NSMCE2: variants seen among roughly 807,000 people sequenced by gnomAD.
NSMCE2 encodes E3 SUMO-protein ligase NSE2.
In NSMCE2, 24 loss-of-function variants were observed where a neutral mutation model predicts 23.8. The observed-to-expected ratio is 1.01, with a 90% CI of 0.73 to 1.42. NSMCE2 has a LOEUF of 1.42. Among genes scored for constraint, NSMCE2 ranks in the 40% most tolerant of loss-of-function variants. The probability of loss-of-function intolerance (pLI) is 0.00; values close to 1 mark genes in which losing one functional copy is unlikely to be tolerated. For missense variants in NSMCE2, 284 were observed against 296.5 expected (o/e 0.96, Z 0.31); for synonymous variants, 92 against 94.1 (o/e 0.98, Z 0.13).
chr8:125,315,730 G>A (rs1438501373), intron 5 of NSMCE2, among the ~76,000 whole-genome samples: 1 of 152,104 alleles, frequency 6.6e-6, no homozygotes, highest in Admixed American at 6.5e-5. Context: ...TGACTTTTTA[G>A]CAATTATATT....
chr8:125,192,138 A>C (rs1823367227), intron 5 of NSMCE2, among the ~76,000 whole-genome samples: 1 of 152,196 alleles, frequency 6.6e-6, no homozygotes, highest in Non-Finnish European at 1.5e-5. Context: ...AAGTAGCCTG[A>C]ATCTAGATTA....
chr8:125,238,028 A>T (rs1406386333), intron 5 of NSMCE2, among the ~76,000 whole-genome samples: 1 of 152,134 alleles, frequency 6.6e-6, no homozygotes, highest in Admixed American at 6.5e-5. Flanking sequence ...TATATTGTAG[A>T]TGCTAGATCA....
chr8:125,177,745 C>G (rs1822568236), intron 4 of NSMCE2, among the ~76,000 whole-genome samples: 1 of 152,216 alleles, frequency 6.6e-6, no homozygotes, highest in Admixed American at 6.5e-5. Flanking sequence ...AAGCACTTCT[C>G]TAATGGAAAT....
At chr8:125,180,783 T>G (rs1322260111) in intron 4 of NSMCE2, among the ~76,000 whole-genome samples, 2 of 152,100 alleles carry the variant, frequency 1.3e-5, no homozygotes, top group African/African-American at 4.8e-5. Flanking sequence ...AATTGTACTA[T>G]ATACTAATAA....
chr8:125,228,591 G>A (rs1031845801), intron 5 of NSMCE2, among the ~76,000 whole-genome samples: 2 of 152,182 alleles, frequency 1.3e-5, no homozygotes, highest in Admixed American at 6.5e-5. Flanking sequence ...GCAGTACAGG[G>A]CATTTGAGGC....
At chr8:125,253,748 C>T (rs953880999) in intron 5 of NSMCE2, among the ~76,000 whole-genome samples, 1 of 152,204 alleles carries the variant, frequency 6.6e-6, no homozygotes, top group Non-Finnish European at 1.5e-5. Flanking sequence ...GTCGTATAGG[C>T]AGCCTGATTT....
intron 5 of NSMCE2, among the ~76,000 whole-genome samples, chr8:125,333,660 G>T (rs879551195): frequency 3.3e-5 from 5 of 150,014 alleles, no homozygotes; most frequent in African/African-American, 1.2e-4. Context: ...GACTACAGGC[G>T]CCCGCCACTA....
At chr8:125,278,776 C>T (rs570627760) in intron 5 of NSMCE2, among the ~76,000 whole-genome samples, 3 of 151,924 alleles carry the variant, frequency 2.0e-5, no homozygotes, top group Admixed American at 6.5e-5. Flanking sequence ...TTCACTTCCA[C>T]CTGTTCAAAA....
chr8:125,202,533 A>T (rs1373133423), intron 5 of NSMCE2, among the ~76,000 whole-genome samples: 1 of 152,200 alleles, frequency 6.6e-6, no homozygotes, highest in African/African-American at 2.4e-5. Context: ...ACATCAATGA[A>T]ATTATATTTT....
At chr8:125,211,263 T>C (rs1824328853) in intron 5 of NSMCE2, among the ~76,000 whole-genome samples, 1 of 152,202 alleles carries the variant, frequency 6.6e-6, no homozygotes, top group Admixed American at 6.5e-5. Context: ...AAAGTGGGCC[T>C]CTGCCTCCCT....
intron 5 of NSMCE2, among the ~76,000 whole-genome samples, chr8:125,333,827 G>A (rs1201309892): frequency 1.3e-5 from 2 of 148,806 alleles, no homozygotes; most frequent in Non-Finnish European, 3.0e-5. Flanking sequence ...TGGTGGTTCT[G>A]ATACCACCAA....
intron 5 of NSMCE2, among the ~76,000 whole-genome samples, chr8:125,333,755 C>T (rs371461527): frequency 0.013 from 1,932 of 151,994 alleles, 12 homozygotes; most frequent in Middle Eastern, 0.024. Context: ...CCTCGTGATC[C>T]GCCCGCCTCG....
intron 5 of NSMCE2, among the ~76,000 whole-genome samples, chr8:125,227,302 T>C (rs1308989400): frequency 6.6e-6 from 1 of 152,106 alleles, no homozygotes; most frequent in Non-Finnish European, 1.5e-5. Context: ...TGATGGTAGC[T>C]TAGTGTCTCC....
intron 4 of NSMCE2, among the ~76,000 whole-genome samples, chr8:125,163,146 C>T (rs561283717): frequency 2.6e-5 from 4 of 152,184 alleles, no homozygotes; most frequent in African/African-American, 4.8e-5. Flanking sequence ...GTGGGAGGAT[C>T]GCTTGAGCCC....
chr8:125,110,378 C>T (rs1158833516), intron 3 of NSMCE2, among the ~76,000 whole-genome samples: 2 of 152,188 alleles, frequency 1.3e-5, no homozygotes, highest in African/African-American at 2.4e-5. Context: ...AGAAAGATTA[C>T]AGTTACTATG....
intron 5 of NSMCE2, among the ~76,000 whole-genome samples, chr8:125,352,279 A>G (rs1435938977): frequency 6.6e-6 from 1 of 152,136 alleles, no homozygotes; most frequent in East Asian, 1.9e-4. Flanking sequence ...TCAGTTCGCG[A>G]CCAGCCTGAC....
At chr8:125,316,047 T>C (rs978419645) in intron 5 of NSMCE2, among the ~76,000 whole-genome samples, 14 of 152,162 alleles carry the variant, frequency 9.2e-5, no homozygotes, top group Non-Finnish European at 7.3e-5. Flanking sequence ...GCTCAGGTGA[T>C]CCTCCCATCT....
At chr8:125,351,085 C>G (rs538410483) in intron 5 of NSMCE2, among the ~76,000 whole-genome samples, 25 of 152,194 alleles carry the variant, frequency 1.6e-4, no homozygotes, top group African/African-American at 5.1e-4. Context: ...AGGGAATAAC[C>G]AAGAATGATT....
intron 5 of NSMCE2, among the ~76,000 whole-genome samples, chr8:125,244,697 CT>C (rs988310563): frequency 2.6e-5 from 4 of 152,238 alleles, no homozygotes; most frequent in African/African-American, 9.6e-5. Context: ...TTATTTTTTG[CT>C]GTTAAAAATT....
Sources: gnomAD v4.1 joint callset for allele counts (sites outside exome capture counted in the v4.1 genomes callset) on GRCh38, gnomAD v4.1.1 for gene constraint, MANE v1.5 for transcripts, NCBI Gene and HGNC (gene_info 2026-07-23, HGNC 2026-07-21) for gene names.